Variants in NECTIN1 observed in about 807,000 individuals in gnomAD.
The protein encoded by NECTIN1 is nectin-1.
Under a neutral mutation model 48.0 loss-of-function variants are expected in NECTIN1, and 23 were observed. That is an observed-to-expected ratio of 0.48 (90% CI 0.34 to 0.68). NECTIN1 has a LOEUF of 0.68. Among genes scored for constraint, NECTIN1 ranks in the 30% least tolerant of loss-of-function variants. NECTIN1 has a pLI of 0.01. For synonymous variants in NECTIN1, 270 were observed against 288.9 expected (o/e 0.93, Z 0.66); for missense variants, 591 against 709.9 (o/e 0.83, Z 1.90).
downstream of NECTIN1, among the ~76,000 whole-genome samples, chr11:119,656,004 C>T (rs1187710405): frequency 1.3e-5 from 2 of 152,156 alleles, no homozygotes; most frequent in East Asian, 3.9e-4. Context: ...CTCAAGCGAT[C>T]CTCCCACCTC....
At chr11:119,659,209 G>C (rs1346527597), downstream of NECTIN1, 2 of 152,238 alleles carry the variant, frequency 1.3e-5, no homozygotes, top group Non-Finnish European at 2.9e-5. Flanking sequence ...TGGGATGCTG[G>C]GTGTGGCTGT....
chr11:119,692,997 C>T (rs535846616), intron 1 of NECTIN1, among the ~76,000 whole-genome samples: 39 of 152,304 alleles, frequency 2.6e-4, no homozygotes, highest in Admixed American at 1.8e-3. Flanking sequence ...CAGGCACCAT[C>T]CTCCCACCCC....
intron 1 of NECTIN1, among the ~76,000 whole-genome samples, chr11:119,706,228 C>T (rs948901908): frequency 2.6e-5 from 4 of 152,186 alleles, no homozygotes; most frequent in Non-Finnish European, 5.9e-5. Flanking sequence ...ATATGATCTC[C>T]TTTTACTATT....
In NECTIN1 at chr11:119,664,486, C is replaced by T. The variant is rs1187406458; in HGVS notation, c.*261G>A. 13 of 1,330,690 alleles carry T rather than the reference C, an allele frequency of 9.8e-6. No homozygotes were observed. The highest frequency in any genetic ancestry group is 2.9e-5 in the African/African-American group (2 of 67,950). The allele number at this position is 1,330,690 out of a possible 1,614,324, so 82.4% of individuals were successfully genotyped here. On this transcript the variant is annotated 3_prime_UTR_variant, in exon 6 of 6. Transcript: ENST00000264025. ...ACACAGAGGGCAGGCAGGTGGGGCC[C>T]GTAAAGGGAAGATACAGTAACACTA...
chr11:119,665,425 C>T lies in NECTIN1; in HGVS notation c.1004-128G>A. 7.0e-7 allele frequency: 1 copy of T among 1,433,520 alleles called. No individual in the cohort carries two copies. The highest frequency in any genetic ancestry group is 9.1e-7 in the Non-Finnish European group (1 of 1,094,844). 88.8% of individuals were successfully genotyped at this position (1,433,520 alleles called of 1,614,324 possible). ...CTGTCTGCACCCCAGGTTTGAGCAG[C>T]TCCAGTTCGAGGCCCCGCAGCACTC... On this transcript the variant is annotated intron_variant, in intron 5 of 5. Transcript: ENST00000264025. The surrounding 1 kb of genome is among the most constrained non-coding windows in gnomAD (Gnocchi z 5.1).
chr11:119,703,594 T>C (rs528072832), intron 1 of NECTIN1, among the ~76,000 whole-genome samples: 1 of 152,096 alleles, frequency 6.6e-6, no homozygotes, highest in Non-Finnish European at 1.5e-5. Flanking sequence ...ATAAGGAAAT[T>C]GAGGCCAGGG....
intron 1 of NECTIN1, among the ~76,000 whole-genome samples, chr11:119,712,468 TCA>T (rs1865669662): frequency 6.6e-6 from 1 of 151,982 alleles, no homozygotes; most frequent in Admixed American, 6.6e-5. Context: ...TGAGGCCAGT[TCA>T]TCCATCACTA....
In NECTIN1 at chr11:119,663,034, G is replaced by GAGGGT; in HGVS notation, c.*1712_*1713insACCCT. ...CAGCACCAGGGAGGGGAGGGGAGGG[G>GAGGGT]TTGGGGGGCTCCCTTAGGAAGCCTA... On this transcript the variant is annotated 3_prime_UTR_variant, in exon 6 of 6. Coordinates refer to ENST00000264025, the MANE Select transcript of NECTIN1 (RefSeq NM_002855.5). 1 of 932,408 alleles carries GAGGGT rather than the reference G, an allele frequency of 1.1e-6. No homozygotes were observed. The highest frequency in any genetic ancestry group is 1.2e-4 in the East Asian group (1 of 8,446). 57.8% of individuals were successfully genotyped at this position (932,408 alleles called of 1,614,324 possible).
intron 4 of NECTIN1, chr11:119,676,774 G>T (rs1450462982): frequency 5.1e-5 from 20 of 395,876 alleles, no homozygotes; most frequent in Non-Finnish European, 8.6e-5. Context: ...AATAAATACT[G>T]GGGGGTTGGG....
intron 5 of NECTIN1, among the ~76,000 whole-genome samples, chr11:119,643,585 C>A (rs540696289): frequency 6.6e-6 from 1 of 152,328 alleles, no homozygotes; most frequent in East Asian, 1.9e-4. Flanking sequence ...GCCCTGCCTA[C>A]CCCCTCCCTG....
intron 1 of NECTIN1, among the ~76,000 whole-genome samples, chr11:119,726,097 G>C (rs923196279): frequency 6.6e-6 from 1 of 152,178 alleles, no homozygotes; most frequent in East Asian, 1.9e-4. Flanking sequence ...TTGAAGTTGG[G>C]GGCAATCACA....
At chr11:119,648,301 G>GTGATGC (rs754894127) in intron 5 of NECTIN1, among the ~76,000 whole-genome samples, 3,394 of 12,276 alleles carry the variant, frequency 0.28, 603 homozygotes, top group Non-Finnish European at 0.37. Flanking sequence ...GGTGGTGGTG[G>GTGATGC]TGGTGATGGT....
chr11:119,706,095 G>A (rs1201275546), intron 1 of NECTIN1, among the ~76,000 whole-genome samples: 1 of 152,120 alleles, frequency 6.6e-6, no homozygotes, highest in East Asian at 1.9e-4. Flanking sequence ...GCCTCCCCTC[G>A]GCCGCCAGCC....
intron 1 of NECTIN1, among the ~76,000 whole-genome samples, chr11:119,682,852 T>C (rs541297086): frequency 5.3e-5 from 8 of 152,272 alleles, no homozygotes; most frequent in East Asian, 1.9e-4. Flanking sequence ...TACTGGACAC[T>C]GTAGGGAGTG....
At chr11:119,701,861 T>A (rs885429) in intron 1 of NECTIN1, among the ~76,000 whole-genome samples, 20 of 151,922 alleles carry the variant, frequency 1.3e-4, no homozygotes, top group Admixed American at 1.3e-3. Flanking sequence ...TCCGCCTCAC[T>A]GGCTCCCGCC....
rs766707857 is a variant in NECTIN1, at chr11:119,678,038, C to A, written c.431-181G>T. On this transcript the variant is annotated intron_variant, in intron 2 of 5. Transcript: ENST00000264025. This position sits in a 1 kb window ranked among gnomAD's most constrained non-coding sequence, Gnocchi z 4.4. ...CTTGCAGGAAGTTCATCATGTCTAA[C>A]GTTATGTCCTCCCTGCCCTACTAGT... Among the ~76,000 whole-genome samples the A allele has an allele frequency of 6.6e-6, 1 of 152,180 alleles. No individual in the cohort carries two copies. The highest frequency in any genetic ancestry group is 1.5e-5 in the Non-Finnish European group (1 of 68,030).
At chr11:119,718,544 C>T (rs1031857198) in intron 1 of NECTIN1, among the ~76,000 whole-genome samples, 12 of 152,230 alleles carry the variant, frequency 7.9e-5, no homozygotes, top group African/African-American at 2.9e-4. Flanking sequence ...TTAGAACAGG[C>T]TCTGGCATAG....
chr11:119,664,721 CACAG>C lies in NECTIN1; in HGVS notation c.*22_*25del, dbSNP rs772511451. 102 of 1,584,502 alleles carry C rather than the reference CACAG, an allele frequency of 6.4e-5. No individual in the cohort carries two copies. The highest frequency in any genetic ancestry group is 8.3e-5 in the Non-Finnish European group (96 of 1,163,616). On this transcript the variant is annotated 3_prime_UTR_variant, in exon 6 of 6. Transcript: ENST00000264025. The stretch of plus-strand genomic sequence containing the variant: ...CGGGGAGGGGCTGGGGAGGAGCGGT[CACAG>C]ACAGAGGCTCTGGAAGGGGGGCTAC...
chr11:119,664,655 C>G lies in NECTIN1; in HGVS notation c.*92G>C. On this transcript the variant is annotated 3_prime_UTR_variant, in exon 6 of 6. Transcript: ENST00000264025. Reference sequence around the variant, plus strand: ...TTGGGCAGCTGGGCAAGTCTCTGTTCAGCTCCTGGAGTGGGAGGTGGGGGG... The same window carrying G: ...TTGGGCAGCTGGGCAAGTCTCTGTTGAGCTCCTGGAGTGGGAGGTGGGGGG... 2 of 1,459,858 alleles carry G rather than the reference C, an allele frequency of 1.4e-6. No homozygotes were observed. The highest frequency in any genetic ancestry group is 1.8e-6 in the Non-Finnish European group (2 of 1,103,854). 90.4% of individuals were successfully genotyped at this position (1,459,858 alleles called of 1,614,324 possible). A position where few individuals can be genotyped will look rare whatever the true frequency, so the allele number is the denominator to read the frequency against.
Sources: gnomAD v4.1 joint callset for allele counts (sites outside exome capture counted in the v4.1 genomes callset) on GRCh38, gnomAD v4.1.1 for gene constraint, Gnocchi (gnomAD v3.1) non-coding constraint, MANE v1.5 for transcripts, NCBI Gene and HGNC (gene_info 2026-07-23, HGNC 2026-07-21) for gene names.